Variants in RFXAP observed in about 807,000 individuals in gnomAD.
The protein encoded by RFXAP is regulatory factor X associated protein.
A neutral mutation model predicts 25.7 loss-of-function variants in RFXAP; 21 were observed. The observed-to-expected ratio is 0.82, with a 90% CI of 0.58 to 1.18. The LOEUF (loss-of-function observed/expected upper bound fraction) is 1.18. RFXAP is among the 50% of genes most tolerant of loss of function. The pLI, the probability that RFXAP is intolerant of heterozygous loss-of-function variation, is 0.00. For missense variants in RFXAP, 333 were observed against 363.0 expected (o/e 0.92, Z 0.67); for synonymous variants, 161 against 152.2 (o/e 1.06, Z -0.43).
chr13:36,825,443 A>G lies in RFXAP; in HGVS notation c.616A>G (p.Ile206Val). ...NVKLEESADN[I>V]LSIVKQRTGS... ...TTTATCCCAGGAAAGTGCAGATAAC[A>G]TACTCTCCATTGTTAAACAAAGAAC... Residue 206 changes from isoleucine to valine, a missense_variant, in exon 2 of 3, where the codon ATA becomes GTA. Physicochemically the swap from Ile to Val is conservative, Grantham distance 29 (BLOSUM62 3). Transcript: ENST00000255476. 1.9e-6 allele frequency: 3 copies of G among 1,611,834 alleles called. No individual in the cohort carries two copies. The highest frequency in any genetic ancestry group is 1.1e-5 in the South Asian group (1 of 91,036).
Position 36,827,984 on chromosome 13 carries a change from A to G in RFXAP, c.*231A>G, listed in dbSNP as rs1305444222. On this transcript the variant is annotated 3_prime_UTR_variant, in exon 3 of 3. Transcript: ENST00000255476. ...TTATCTTTCCAAATAACATTTAATT[A>G]TAATGTTTTTTAAAAAATATATTCC... 4 of 500,830 alleles carry G rather than the reference A, an allele frequency of 8.0e-6. No homozygotes were observed. In the Admixed American group the frequency reaches 1.1e-4, roughly 14 times the overall value. 31.0% of individuals were successfully genotyped at this position (500,830 alleles called of 1,614,324 possible). A position where few individuals can be genotyped will look rare whatever the true frequency, so the allele number is the denominator to read the frequency against.
intron 2 of RFXAP, among the ~76,000 whole-genome samples, chr13:36,826,115 A>G (rs1452828587): frequency 4.6e-5 from 7 of 152,168 alleles, no homozygotes; most frequent in African/African-American, 1.7e-4. Flanking sequence ...CGAGGCTGCA[A>G]TGAGCTATGA....
chr13:36,828,121 A>G lies in RFXAP; in HGVS notation c.*368A>G, dbSNP rs1327772277. 7 of 223,208 alleles carry G rather than the reference A, an allele frequency of 3.1e-5. No homozygotes were observed. Among genetic ancestry groups the G allele is most frequent in the African/African-American group, 1.2e-4 (5 of 42,474 alleles). 13.8% of individuals were successfully genotyped at this position (223,208 alleles called of 1,614,324 possible). ...GCTCAGTGGTTCTCATCAAGGGTCA[A>G]TTTGATTGTCATAGTGACCTTGAAA... On this transcript the variant is annotated 3_prime_UTR_variant, in exon 3 of 3. Transcript: ENST00000255476.
At chr13:36,826,106 G>A (rs763401375) in intron 2 of RFXAP, among the ~76,000 whole-genome samples, 5 of 152,106 alleles carry the variant, frequency 3.3e-5, no homozygotes, top group Admixed American at 6.6e-5. Context: ...CCAGGAATTC[G>A]AGGCTGCAAT....
Position 36,819,754 on chromosome 13 carries a change from G to C in RFXAP, c.397G>C (p.Gly133Arg). Reference sequence around the variant, plus strand: ...CGGGGGCGCCCGGAGGCGGGGCAGCGGTGGGGGCAGCATGAGCAAGACCTG... The same window carrying C: ...CGGGGGCGCCCGGAGGCGGGGCAGCCGTGGGGGCAGCATGAGCAAGACCTG... ...SSGGARRRGSGGGSMSKTCTY... is the reference protein window; with the variant it reads ...SSGGARRRGSRGGSMSKTCTY... Residue 133 changes from glycine (G) to arginine (R), a missense_variant, in exon 1 of 3, where the codon GGT (glycine) becomes CGT (arginine). Transcript: ENST00000255476. 5.1e-6 allele frequency: 8 copies of C among 1,555,548 alleles called. No individual in the cohort carries two copies. Among genetic ancestry groups the C allele is most frequent in the Non-Finnish European group, 7.0e-6 (8 of 1,149,188 alleles).
In RFXAP at chr13:36,819,348, T is replaced by C. The variant is rs754605300; in HGVS notation, c.-10T>C. ...CCCGGGGTCGTGGACCCCGGCCAGG[T>C]CTTAGCAGCATGGAGGCGCAGGGTG... is the stretch of plus-strand genomic sequence containing the variant. On this transcript the variant is annotated 5_prime_UTR_variant, in exon 1 of 3. Coordinates refer to ENST00000255476, the MANE Select transcript of RFXAP (RefSeq NM_000538.4). 45 of 1,261,592 alleles carry C rather than the reference T, an allele frequency of 3.6e-5. No individual in the cohort carries two copies. Among genetic ancestry groups the C allele is most frequent in the South Asian group, 1.5e-4 (4 of 26,438 alleles). The allele number at this position is 1,261,592 out of a possible 1,614,324, so 78.1% of individuals were successfully genotyped here.
rs936769962 is a variant in RFXAP at position 36,819,755 on chromosome 13, G to T, written c.398G>T (p.Gly133Val). The T allele has an allele frequency of 1.6e-5, 25 of 1,555,908 alleles. No individual in the cohort carries two copies. The highest frequency in any genetic ancestry group is 2.1e-5 in the Non-Finnish European group (24 of 1,149,350). ...GGGGGCGCCCGGAGGCGGGGCAGCG[G>T]TGGGGGCAGCATGAGCAAGACCTGC... ...SSGGARRRGSGGGSMSKTCTY... is the reference protein window; with the variant it reads ...SSGGARRRGSVGGSMSKTCTY... The change falls in exon 1 of 3, where the codon GGT becomes GTT. Residue 133 changes from glycine (G) to valine (V), a missense_variant. Coordinates refer to ENST00000255476, the MANE Select transcript of RFXAP (RefSeq NM_000538.4).
chr13:36,822,539 T>C (rs1368144508), intron 1 of RFXAP, among the ~76,000 whole-genome samples: 2 of 152,074 alleles, frequency 1.3e-5, no homozygotes, highest in African/African-American at 4.8e-5. Context: ...AAAAGAACCT[T>C]ATTACTATTT....
In RFXAP at chr13:36,828,257, ATGT is replaced by A. The variant is rs776081325; in HGVS notation, c.*507_*509del. The A allele has an allele frequency of 3.7e-4, 58 of 155,692 alleles. 1 individual carries two copies. Among genetic ancestry groups the A allele is most frequent in the South Asian group, 2.6e-3 (13 of 5,026 alleles). 9.6% of individuals were successfully genotyped at this position (155,692 alleles called of 1,614,324 possible). A position where few individuals can be genotyped will look rare whatever the true frequency, so the allele number is the denominator to read the frequency against. On this transcript the variant is annotated 3_prime_UTR_variant, in exon 3 of 3. Coordinates refer to ENST00000255476, the MANE Select transcript of RFXAP (RefSeq NM_000538.4). ...GCAGTGCCAATAACACTCCTAAGAA[ATGT>A]TGATGGCTATTTTGTGGTGCTAACA...
chr13:36,819,871 G>A lies in RFXAP; in HGVS notation c.514G>A (p.Asp172Asn). The A allele has an allele frequency of 6.2e-7, 1 of 1,606,104 alleles. No homozygotes were observed. The highest frequency in any genetic ancestry group is 1.7e-5 in the Admixed American group (1 of 59,622). Reference protein sequence around the residue: ...CKKHRNKMYKDKYKKKKSDQA... With the variant: ...CKKHRNKMYKNKYKKKKSDQA... ...GAAACACCGCAACAAGATGTACAAGGACAAGTATAAAAAGAAGAAGAGCGA... is the reference window on the plus strand; with the variant it reads ...GAAACACCGCAACAAGATGTACAAGAACAAGTATAAAAAGAAGAAGAGCGA... Residue 172 changes from aspartate to asparagine, a missense_variant, in exon 1 of 3, where the codon GAC becomes AAC. By Grantham distance (23) the Asp-to-Asn change is conservative (BLOSUM62 1). Transcript: ENST00000255476.
Position 36,819,876 on chromosome 13 carries a change from G to A in RFXAP, c.519G>A (p.Lys173=), listed in dbSNP as rs976393691. Residue 173 remains lysine (K), a synonymous_variant, in exon 1 of 3, where the codon AAG becomes AAA. Coordinates refer to ENST00000255476, the MANE Select transcript of RFXAP (RefSeq NM_000538.4). ...KKHRNKMYKD[K]YKKKKSDQAL... ...ACCGCAACAAGATGTACAAGGACAAGTATAAAAAGAAGAAGAGCGACCAGG... is the reference window on the plus strand; with the variant it reads ...ACCGCAACAAGATGTACAAGGACAAATATAAAAAGAAGAAGAGCGACCAGG... 1.9e-6 allele frequency: 3 copies of A among 1,608,496 alleles called. No individual in the cohort carries two copies. Among genetic ancestry groups the A allele is most frequent in the African/African-American group, 1.3e-5 (1 of 74,900 alleles).
rs772207747 is a variant in RFXAP, at chr13:36,819,663, C to A, written c.306C>A (p.Gly102=). ...LLDTSDPPGG[G]ESAASLEDLE... Reference sequence around the variant, plus strand: ...ACACTTCGGACCCTCCGGGGGGAGGCGAGAGCGCGGCTAGTTTGGAGGATC... The same window carrying A: ...ACACTTCGGACCCTCCGGGGGGAGGAGAGAGCGCGGCTAGTTTGGAGGATC... The change falls in exon 1 of 3, where the codon GGC becomes GGA. Residue 102 remains glycine (G), a synonymous_variant. Transcript: ENST00000255476. 1.7e-5 allele frequency: 27 copies of A among 1,548,056 alleles called. No individual in the cohort carries two copies. The South Asian group carries it at 2.0e-4, about 12-fold the overall frequency.
chr13:36,825,137 A>G (rs1347766613), intron 1 of RFXAP, among the ~76,000 whole-genome samples: 1 of 152,214 alleles, frequency 6.6e-6, no homozygotes, highest in African/African-American at 2.4e-5. Flanking sequence ...CACCTCTCAC[A>G]GTATTACTAT....
intron 1 of RFXAP, among the ~76,000 whole-genome samples, chr13:36,821,154 G>A (rs1393137912): frequency 2.7e-5 from 4 of 148,480 alleles, no homozygotes; most frequent in East Asian, 3.9e-4. Context: ...CGAGGCTGCC[G>A]TGAGCCTTGT....
chr13:36,827,346 A>G (rs1453859856), intron 2 of RFXAP, among the ~76,000 whole-genome samples: 2 of 152,062 alleles, frequency 1.3e-5, no homozygotes, highest in East Asian at 1.9e-4. Flanking sequence ...TTGTTCTTAC[A>G]TATTTCAAGA....
rs2057975347 is a variant in RFXAP, at chr13:36,825,500, A to G, written c.673A>G (p.Thr225Ala). 1.2e-6 allele frequency: 2 copies of G among 1,612,316 alleles called. No individual in the cohort carries two copies. Among genetic ancestry groups the G allele is most frequent in the African/African-American group, 1.3e-5 (1 of 74,864 alleles). Reference protein sequence around the residue: ...GSFGDRPARPTLLEQVLNQKR... With the variant: ...GSFGDRPARPALLEQVLNQKR... ...TTTTGGGGATCGTCCTGCAAGACCT[A>G]CTCTTTTAGAACAAGTGTTAAATCA... Residue 225 changes from threonine to alanine, a missense_variant, in exon 2 of 3, where the codon ACT (threonine) becomes GCT (alanine). Physicochemically the swap from Thr to Ala is moderately conservative, Grantham distance 58. Transcript: ENST00000255476.
At chr13:36,820,250 G>A (rs1210046052) in intron 1 of RFXAP, among the ~76,000 whole-genome samples, 3 of 152,196 alleles carry the variant, frequency 2.0e-5, no homozygotes, top group Non-Finnish European at 4.4e-5. Context: ...TAGAGTAAAT[G>A]ATCGGTCTGG....
At position 36,819,448 on chromosome 13, in the gene RFXAP, A is replaced by T; in HGVS notation, c.91A>T (p.Thr31Ser). 1 of 1,494,836 alleles carries T rather than the reference A, an allele frequency of 6.7e-7. No individual in the cohort carries two copies. Among genetic ancestry groups the T allele is most frequent in the Non-Finnish European group, 8.9e-7 (1 of 1,122,188 alleles). The allele number at this position is 1,494,836 out of a possible 1,614,324, so 92.6% of individuals were successfully genotyped here. ...PAALAPAAAP[T>S]LAPASVAAAA... is the part of the protein sequence containing the mutation. The stretch of plus-strand genomic sequence containing the variant: ...GGCCCTAGCCCCGGCTGCGGCTCCC[A>T]CCTTGGCGCCAGCCTCGGTGGCGGC... The change falls in exon 1 of 3, where the codon ACC (threonine) becomes TCC (serine). Residue 31 changes from threonine (T) to serine (S), a missense_variant. Thr to Ser is a moderately conservative substitution (Grantham distance 58). Transcript: ENST00000255476.
rs376194338 is a variant in RFXAP, at chr13:36,825,467, A to G, written c.640A>G (p.Thr214Ala). ...CATACTCTCCATTGTTAAACAAAGA[A>G]CAGGATCTTTTGGGGATCGTCCTGC... ...DNILSIVKQRTGSFGDRPARP... is the reference protein window; with the variant it reads ...DNILSIVKQRAGSFGDRPARP... Residue 214 changes from threonine (T) to alanine (A), a missense_variant, in exon 2 of 3, where the codon ACA becomes GCA. Physicochemically the swap from Thr to Ala is moderately conservative, Grantham distance 58 (BLOSUM62 0). Transcript: ENST00000255476. 3 of 1,613,164 alleles carry G rather than the reference A, an allele frequency of 1.9e-6. No homozygotes were observed. The highest frequency in any genetic ancestry group is 4.5e-5 in the East Asian group (2 of 44,822).
Sources: gnomAD v4.1 joint callset for allele counts (sites outside exome capture counted in the v4.1 genomes callset) on GRCh38, gnomAD v4.1.1 for gene constraint, MANE v1.5 for transcripts, NCBI Gene and HGNC (gene_info 2026-07-23, HGNC 2026-07-21) for gene names.